PCSK5: variants seen among roughly 807,000 people sequenced by gnomAD.
PCSK5 encodes proprotein convertase subtilisin/kexin type 5, also known as prohormone convertase 5.
PCSK5 carries 129 observed loss-of-function variants against 233.2 expected under a neutral mutation model. That is an observed-to-expected ratio of 0.55 (90% CI 0.48 to 0.64). The LOEUF is 0.64. Ranked by LOEUF, PCSK5 falls within the 30% of genes least tolerant of loss-of-function variation. PCSK5 has a pLI of 0.00. For synonymous variants in PCSK5, 825 were observed against 879.2 expected (o/e 0.94, Z 1.09); for missense variants, 2,076 against 2,430.1 (o/e 0.85, Z 3.06).
At chr9:76,117,434 A>C (rs1194410416) in intron 9 of PCSK5, among the ~76,000 whole-genome samples, 1 of 152,162 alleles carries the variant, frequency 6.6e-6, no homozygotes, top group Non-Finnish European at 1.5e-5. Flanking sequence ...TAGGGAAAAG[A>C]AGTGGCAAGG....
At chr9:76,102,705 A>C (rs1374013722) in intron 8 of PCSK5, among the ~76,000 whole-genome samples, 1 of 152,208 alleles carries the variant, frequency 6.6e-6, no homozygotes, top group African/African-American at 2.4e-5. Context: ...TAAACCCTGG[A>C]TTGTATATAC....
intron 30 of PCSK5, 32 bp from the exon 31 acceptor site, chr9:76,321,390 T>G (rs1370807082): frequency 8.4e-7 from 1 of 1,186,050 alleles, no homozygotes; most frequent in Non-Finnish European, 1.3e-6. Flanking sequence ...GCAGGTCAGC[T>G]TCTCCAGTTG....
At chr9:76,349,937 CT>C (rs978562056) in intron 35 of PCSK5, among the ~76,000 whole-genome samples, 7 of 152,034 alleles carry the variant, frequency 4.6e-5, no homozygotes, top group African/African-American at 1.7e-4. Flanking sequence ...ATTCAGACTT[CT>C]TCTATTTGGT....
intron 9 of PCSK5, among the ~76,000 whole-genome samples, chr9:76,116,329 G>T (rs965308459): frequency 7.2e-5 from 11 of 152,072 alleles, no homozygotes; most frequent in Non-Finnish European, 1.6e-4. Flanking sequence ...TACCATCTTA[G>T]ATTAAGTTTT....
At chr9:75,945,281 G>C (rs918311951) in intron 2 of PCSK5, among the ~76,000 whole-genome samples, 2 of 151,818 alleles carry the variant, frequency 1.3e-5, no homozygotes, top group African/African-American at 2.4e-5. Context: ...TTCTTTCCCA[G>C]GGAATGGCAC....
chr9:76,042,742 A>C (rs1453313832), intron 5 of PCSK5, among the ~76,000 whole-genome samples: 1 of 152,220 alleles, frequency 6.6e-6, no homozygotes, highest in Non-Finnish European at 1.5e-5. Context: ...CCTTAGCTAG[A>C]AATAAGAAGC....
intron 32 of PCSK5, among the ~76,000 whole-genome samples, chr9:76,327,279 G>A (rs1026408051): frequency 1.3e-5 from 2 of 151,736 alleles, no homozygotes; most frequent in African/African-American, 4.8e-5. Flanking sequence ...GCTAATTTTT[G>A]TGTTTTTTCT....
In PCSK5 at chr9:76,359,079, A is replaced by T. The variant is rs1298572291; in HGVS notation, c.*157A>T. The T allele has an allele frequency of 1.6e-6, 1 of 613,222 alleles. No homozygotes were observed. Among genetic ancestry groups the T allele is most frequent in the African/African-American group, 1.8e-5 (1 of 54,212 alleles). 38.0% of individuals were successfully genotyped at this position (613,222 alleles called of 1,614,324 possible). ...CCAGAATATGTAAGAATGATGAAAT[A>T]CTTTGTTCTTCTTTTGAGTGGCTAA... is the stretch of plus-strand genomic sequence containing the variant. On this transcript the variant is annotated 3_prime_UTR_variant, in exon 38 of 38. Transcript: ENST00000674117.
At chr9:76,211,938 A>AC (rs1825344530) in intron 20 of PCSK5, among the ~76,000 whole-genome samples, 1 of 151,932 alleles carries the variant, frequency 6.6e-6, no homozygotes, top group African/African-American at 2.4e-5. Context: ...ATGAGCATTC[A>AC]CCCCCAGCAA....
In PCSK5 at chr9:76,323,288, G is replaced by A; in HGVS notation, c.4339G>A (p.Asp1447Asn). The change falls in exon 32 of 38, where the codon GAT becomes AAT. Residue 1447 changes from aspartate (D) to asparagine (N), a missense_variant and splice_region_variant. Asp to Asn is a conservative substitution (Grantham distance 23). Transcript: ENST00000674117. ...TGAAAAGGAGACTAAGGAGTGCAGA[G>A]GTAAAGACTTCTGGGATTCAAAATA... ...YYEKETKECR[D>N]CHKSCLTCSS... 1 of 1,564,796 alleles carries A rather than the reference G, an allele frequency of 6.4e-7. No homozygotes were observed. The highest frequency in any genetic ancestry group is 8.8e-7 in the Non-Finnish European group (1 of 1,136,960).
At chr9:76,336,455 A>G (rs751375052) in intron 34 of PCSK5, among the ~76,000 whole-genome samples, 1 of 152,190 alleles carries the variant, frequency 6.6e-6, no homozygotes, top group Non-Finnish European at 1.5e-5. Flanking sequence ...CATCCTTAGC[A>G]AGAATTTTGT....
chr9:76,285,265 G>A (rs1041186077), intron 24 of PCSK5, among the ~76,000 whole-genome samples: 3 of 152,154 alleles, frequency 2.0e-5, no homozygotes, highest in Non-Finnish European at 4.4e-5. Flanking sequence ...GAAGGTGACT[G>A]GGCCAAAAGG....
At chr9:76,315,937 T>TG (rs1169996367) in intron 30 of PCSK5, among the ~76,000 whole-genome samples, 30 of 150,186 alleles carry the variant, frequency 2.0e-4, no homozygotes, top group African/African-American at 7.4e-4. Flanking sequence ...GGTTTTTTTT[T>TG]TTTTTTTTTT....
intron 20 of PCSK5, among the ~76,000 whole-genome samples, chr9:76,192,818 CT>C (rs1824471796): frequency 6.6e-6 from 1 of 152,108 alleles, no homozygotes; most frequent in Admixed American, 6.5e-5. Flanking sequence ...TATGAAGCAT[CT>C]TTTCCTTTGT....
At chr9:76,045,835 T>G (rs1829347862) in intron 5 of PCSK5, among the ~76,000 whole-genome samples, 1 of 152,188 alleles carries the variant, frequency 6.6e-6, no homozygotes, top group Admixed American at 6.5e-5. Context: ...ATCTGTAACC[T>G]AAGGGAATGA....
At chr9:75,976,317 CA>C (rs1392353983) in intron 2 of PCSK5, among the ~76,000 whole-genome samples, 5 of 144,722 alleles carry the variant, frequency 3.5e-5, no homozygotes, top group African/African-American at 1.0e-4. Flanking sequence ...CACACACACA[CA>C]CACACCTTTT....
chr9:76,351,084 C>T (rs1336672655), intron 36 of PCSK5, among the ~76,000 whole-genome samples, 156 bp downstream of exon 36: 1 of 152,126 alleles, frequency 6.6e-6, no homozygotes, highest in Non-Finnish European at 1.5e-5. Context: ...ACCGTTGCAT[C>T]ATGGAATAAT....
chr9:76,046,160 G>GTTTTTTTTTTTTTTTTTTT lies in PCSK5; in HGVS notation c.632+19140_632+19158dup, dbSNP rs71372041. On this transcript the variant is annotated intron_variant, in intron 5 of 37. Coordinates refer to ENST00000674117, the MANE Select transcript of PCSK5 (RefSeq NM_001372043.1). The stretch of plus-strand genomic sequence containing the variant: ...GCATTAACACATAATTTTTTCTTTT[G>GTTTTTTTTTTTTTTTTTTT]TTTTTTTTTTTTTTTTTTTTTTTTT... 2.1e-4 allele frequency among the ~76,000 whole-genome samples: 12 copies of GTTTTTTTTTTTTTTTTTTT among 58,034 alleles called. 3 individuals are homozygous for GTTTTTTTTTTTTTTTTTTT. Among genetic ancestry groups the GTTTTTTTTTTTTTTTTTTT allele is most frequent in the Non-Finnish European group, 2.5e-4 (8 of 31,964 alleles). 38.1% of individuals were successfully genotyped at this position (58,034 alleles called of 152,430 possible).
rs759082150 is a variant in PCSK5 at position 75,986,158 on chromosome 9, A to G, written c.324A>G (p.Val108=). The part of the protein sequence containing the change: ...PKVEWIQQQV[V]KKRTKRDYDF... Reference sequence around the variant, plus strand: ...TGGAATGGATCCAACAGCAAGTGGTAAAAAAGCGGACAAAGAGGGATTATG... The same window carrying G: ...TGGAATGGATCCAACAGCAAGTGGTGAAAAAGCGGACAAAGAGGGATTATG... Residue 108 remains valine, a synonymous_variant, in exon 3 of 38, where the codon GTA becomes GTG. Transcript: ENST00000674117. The G allele has an allele frequency of 6.2e-7, 1 of 1,612,120 alleles. No homozygotes were observed. Among genetic ancestry groups the G allele is most frequent in the Admixed American group, 1.7e-5 (1 of 59,998 alleles).
Sources: gnomAD v4.1 joint callset for allele counts (sites outside exome capture counted in the v4.1 genomes callset) on GRCh38, gnomAD v4.1.1 for gene constraint, MANE v1.5 for transcripts, NCBI Gene and HGNC (gene_info 2026-07-23, HGNC 2026-07-21) for gene names.